CEP112: variants seen among roughly 807,000 people sequenced by gnomAD.
CEP112 encodes centrosomal protein of 112 kDa.
A neutral mutation model predicts 153.0 loss-of-function variants in CEP112; 127 were observed. The ratio of observed to expected loss-of-function variants is 0.83; its 90% CI spans 0.72 to 0.96. CEP112 has a LOEUF of 0.96. Among genes scored for constraint, CEP112 ranks in the 40% least tolerant of loss-of-function variants. CEP112 has a pLI of 0.00. For synonymous variants in CEP112, 358 were observed against 374.4 expected, an observed-to-expected ratio of 0.96 and a Z score of 0.51; for missense variants, 1,089 against 1,101.2, an observed-to-expected ratio of 0.99 and a Z score of 0.16.
intron 8 of CEP112, among the ~76,000 whole-genome samples, chr17:66,071,510 A>C (rs1311185767): frequency 2.0e-5 from 3 of 152,128 alleles, no homozygotes; most frequent in Non-Finnish European, 4.4e-5. Context: ...AGAACTTGTC[A>C]TACCCTCAGC....
At chr17:65,987,137 A>G (rs1455279636) in intron 17 of CEP112, among the ~76,000 whole-genome samples, 1 of 152,198 alleles carries the variant, frequency 6.6e-6, no homozygotes, top group Non-Finnish European at 1.5e-5. Context: ...AAAATATCAG[A>G]AAAGTATGAG....
intron 11 of CEP112, among the ~76,000 whole-genome samples, chr17:66,059,303 G>C (rs2066829432): frequency 6.6e-6 from 1 of 152,036 alleles, no homozygotes; most frequent in Admixed American, 6.6e-5. Context: ...ATGGACAAGT[G>C]GGACGTAATT....
At chr17:65,937,078 G>A (rs1369954961) in intron 18 of CEP112, among the ~76,000 whole-genome samples, 33 of 149,142 alleles carry the variant, frequency 2.2e-4, no homozygotes, top group African/African-American at 7.1e-4. Context: ...TCGGCCTCCC[G>A]AGGTGCCAGG....
At chr17:65,694,781 C>T (rs951280706) in intron 23 of CEP112, among the ~76,000 whole-genome samples, 4 of 152,092 alleles carry the variant, frequency 2.6e-5, no homozygotes, top group African/African-American at 9.7e-5. Context: ...TAAGTACAAC[C>T]GCGGACTTTA....
At chr17:65,747,777 G>A (rs936766579) in intron 22 of CEP112, among the ~76,000 whole-genome samples, 2 of 152,158 alleles carry the variant, frequency 1.3e-5, no homozygotes, top group African/African-American at 4.8e-5. Flanking sequence ...GGTCTCAGGT[G>A]TGCCAAAGTT....
At chr17:66,160,973 G>A (rs1193688173) in intron 4 of CEP112, among the ~76,000 whole-genome samples, 9 of 151,062 alleles carry the variant, frequency 6.0e-5, no homozygotes, top group African/African-American at 1.9e-4. Flanking sequence ...AATCCACAAG[G>A]AACTTAAAGA....
intron 6 of CEP112, among the ~76,000 whole-genome samples, chr17:66,109,586 C>T (rs1203234567): frequency 6.6e-6 from 1 of 151,730 alleles, no homozygotes; most frequent in Non-Finnish European, 1.5e-5. Flanking sequence ...AAATGATACC[C>T]TAGACCTTTA....
intron 19 of CEP112, among the ~76,000 whole-genome samples, chr17:65,919,272 G>A (rs1042487657): frequency 1.3e-5 from 2 of 151,950 alleles, no homozygotes; most frequent in Admixed American, 6.6e-5. Context: ...TCCCACAATC[G>A]AACTGAGTGG....
At chr17:66,124,773 A>G (rs1275109203) in intron 6 of CEP112, among the ~76,000 whole-genome samples, 3 of 152,164 alleles carry the variant, frequency 2.0e-5, no homozygotes, top group Admixed American at 6.5e-5. Context: ...GATTCTTCAT[A>G]TTCCAACTTC....
chr17:66,186,482 C>G (rs146012866), intron 1 of CEP112, among the ~76,000 whole-genome samples: 1 of 151,904 alleles, frequency 6.6e-6, no homozygotes, highest in Non-Finnish European at 1.5e-5. Flanking sequence ...GTAGAGACGG[C>G]GTTTCACCGT....
At chr17:65,704,953 C>A (rs930312882) in intron 23 of CEP112, among the ~76,000 whole-genome samples, 1 of 152,160 alleles carries the variant, frequency 6.6e-6, no homozygotes, top group African/African-American at 2.4e-5. Flanking sequence ...AAGTTTCTTC[C>A]ACTCCCTCCT....
intron 17 of CEP112, among the ~76,000 whole-genome samples, chr17:65,982,850 A>G (rs2063276991): frequency 6.6e-6 from 1 of 152,220 alleles, no homozygotes; most frequent in Non-Finnish European, 1.5e-5. Flanking sequence ...TAACTATGGT[A>G]TATACACACA....
chr17:65,944,866 C>A (rs2061604625), intron 18 of CEP112, among the ~76,000 whole-genome samples: 1 of 152,138 alleles, frequency 6.6e-6, no homozygotes, highest in Non-Finnish European at 1.5e-5. Context: ...GTATGAGTCA[C>A]CACGCCTGGC....
intron 20 of CEP112, among the ~76,000 whole-genome samples, chr17:65,866,435 C>A (rs2058488755): frequency 6.6e-6 from 1 of 152,242 alleles, no homozygotes; most frequent in South Asian, 2.1e-4. Context: ...TGAATGGCAG[C>A]AGGAGGCAGA....
At chr17:65,782,742 C>T (rs1275541835) in intron 21 of CEP112, among the ~76,000 whole-genome samples, 1 of 152,024 alleles carries the variant, frequency 6.6e-6, no homozygotes, top group African/African-American at 2.4e-5. Flanking sequence ...CATGTTCTCA[C>T]TTATAAGTGG....
chr17:65,680,277 A>G (rs971152269), intron 24 of CEP112, among the ~76,000 whole-genome samples: 29 of 152,228 alleles, frequency 1.9e-4, no homozygotes, highest in African/African-American at 6.8e-4. Flanking sequence ...AAAATGATAA[A>G]AGAATATCTT....
At chr17:66,177,247 G>A (rs1252601918) in intron 2 of CEP112, among the ~76,000 whole-genome samples, 1 of 152,176 alleles carries the variant, frequency 6.6e-6, no homozygotes, top group Admixed American at 6.5e-5. Flanking sequence ...TAAACAAATG[G>A]CATGACTATG....
intron 21 of CEP112, among the ~76,000 whole-genome samples, chr17:65,847,784 G>C (rs996088789): frequency 6.6e-6 from 1 of 152,232 alleles, no homozygotes; most frequent in Non-Finnish European, 1.5e-5. Context: ...GGTGGCATAG[G>C]TAGGCCAGAC....
intron 17 of CEP112, 101 bp from the exon 18 acceptor site, chr17:65,961,699 A>T (rs2062209973): frequency 1.8e-6 from 2 of 1,120,208 alleles, no homozygotes; most frequent in Non-Finnish European, 2.5e-6. Flanking sequence ...CCAGATTTTA[A>T]TTTTTTTGAT....
Sources: gnomAD v4.1 joint callset for allele counts (sites outside exome capture counted in the v4.1 genomes callset) on GRCh38, gnomAD v4.1.1 for gene constraint, MANE v1.5 for transcripts, NCBI Gene and HGNC (gene_info 2026-07-23, HGNC 2026-07-21) for gene names.